Variants in ASTN2 observed in about 807,000 individuals in gnomAD.
ASTN2 encodes the protein astrotactin-2.
A neutral mutation model predicts 139.8 loss-of-function variants in ASTN2; 54 were observed. That is an observed-to-expected ratio of 0.39 (90% confidence interval 0.31 to 0.48). The LOEUF (loss-of-function observed/expected upper bound fraction) is 0.48, where lower values mean the gene tolerates loss of function less well. ASTN2 is among the 20% of genes least tolerant of loss of function. ASTN2 has a pLI of 0.95. For synonymous variants in ASTN2, 756 were observed against 719.5 expected (o/e 1.05, Z -0.81); for missense variants, 1,565 against 1,725.1 (o/e 0.91, Z 1.64).
intron 19 of ASTN2, chr9:116,584,619 T>C (rs532202507): frequency 3.3e-5 from 5 of 152,198 alleles, no homozygotes; most frequent in African/African-American, 1.2e-4. Context: ...AGACTAAACG[T>C]CTAAAATTAG....
Position 117,214,451 on chromosome 9 carries a change from C to T in ASTN2, c.922G>A (p.Val308Ile), listed in dbSNP as rs905397071. 8.7e-6 allele frequency: 14 copies of T among 1,614,066 alleles called. No homozygotes were observed. The highest frequency in any genetic ancestry group is 2.7e-5 in the African/African-American group (2 of 74,936). ...CTGCCAAACTCGTCCTCGCGGGAGA[C>T]ATGGTTGGCCCGCCTAGGTGGCTCC... ...DEEPPRRANH[V>I]SREDEFGSQV... Residue 308 changes from valine (V) to isoleucine (I), a missense_variant, in exon 3 of 23, where the codon GTC becomes ATC. By Grantham distance (29) the Val-to-Ile change is conservative. Coordinates refer to ENST00000313400, the MANE Select transcript of ASTN2 (RefSeq NM_001365068.1).
intron 5 of ASTN2, among the ~76,000 whole-genome samples, chr9:117,053,959 T>C (rs1321368007): frequency 6.6e-6 from 1 of 152,058 alleles, no homozygotes; most frequent in African/African-American, 2.4e-5. Flanking sequence ...CATGTATGCA[T>C]TGTGTTTAAA....
intron 19 of ASTN2, among the ~76,000 whole-genome samples, chr9:116,527,563 A>G (rs1851147942): frequency 1.3e-5 from 2 of 152,170 alleles, no homozygotes; most frequent in South Asian, 4.1e-4. Flanking sequence ...CTTGTACACT[A>G]TTTATGGGGA....
At position 117,214,637 on chromosome 9, in the gene ASTN2, T is replaced by C; in HGVS notation, c.736A>G (p.Thr246Ala). The C allele has an allele frequency of 6.3e-7, 1 of 1,579,180 alleles. No individual in the cohort carries two copies. The highest frequency in any genetic ancestry group is 8.7e-7 in the Non-Finnish European group (1 of 1,155,194). ...RRRIPQKSASTEATHEIHYIP... is the reference protein window; with the variant it reads ...RRRIPQKSASAEATHEIHYIP... The stretch of plus-strand genomic sequence containing the variant: ...TAGTGGATCTCATGAGTGGCTTCTG[T>C]GCTTGCGCTCTTCTGGGGGATGCGG... Residue 246 changes from threonine to alanine, a missense_variant, in exon 3 of 23, where the codon ACA (threonine) becomes GCA (alanine). Around this residue, in one of 4 missense-constraint regions of ASTN2, gnomAD observed 596 missense variants for 576.8 expected, o/e 1.03. Transcript: ENST00000313400.
chr9:117,025,565 TGTGG>T (rs1363761296), intron 6 of ASTN2, among the ~76,000 whole-genome samples: 4 of 152,132 alleles, frequency 2.6e-5, no homozygotes, highest in Non-Finnish European at 4.4e-5. Flanking sequence ...TTAACACTCA[TGTGG>T]GTGCCACAGA....
At chr9:116,676,313 G>A (rs182614126) in intron 16 of ASTN2, among the ~76,000 whole-genome samples, 3 of 152,292 alleles carry the variant, frequency 2.0e-5, no homozygotes, top group East Asian at 3.9e-4. Flanking sequence ...AAGGATTTGT[G>A]AGACTAGTCT....
intron 20 of ASTN2, among the ~76,000 whole-genome samples, chr9:116,459,316 A>C (rs1848418275): frequency 6.6e-6 from 1 of 152,056 alleles, no homozygotes; most frequent in Admixed American, 6.6e-5. Context: ...TGTAAGAAGA[A>C]GACATAAGAG....
At chr9:117,306,248 G>A (rs368279831) in intron 1 of ASTN2, among the ~76,000 whole-genome samples, 40 of 152,252 alleles carry the variant, frequency 2.6e-4, no homozygotes, top group African/African-American at 2.6e-4. Flanking sequence ...TCCAGAGAGC[G>A]TTTCCTGCAC....
intron 3 of ASTN2, among the ~76,000 whole-genome samples, chr9:117,169,843 G>A (rs1830750690): frequency 6.6e-6 from 1 of 152,118 alleles, no homozygotes; most frequent in Non-Finnish European, 1.5e-5. Context: ...AAAGCAAGGA[G>A]GAGATATGTA....
intron 10 of ASTN2, among the ~76,000 whole-genome samples, chr9:116,967,606 G>T (rs144736372): frequency 2.0e-5 from 3 of 152,144 alleles, no homozygotes; most frequent in Non-Finnish European, 4.4e-5. Context: ...CACATAACAC[G>T]CATGCACTCA....
chr9:117,246,840 C>A (rs1490740655), intron 2 of ASTN2, among the ~76,000 whole-genome samples: 3 of 152,078 alleles, frequency 2.0e-5, no homozygotes, highest in African/African-American at 7.2e-5. Context: ...AGCAGGTGAA[C>A]CAGTAATCAC....
chr9:117,377,644 T>C (rs1380201694), intron 1 of ASTN2, among the ~76,000 whole-genome samples: 1 of 151,134 alleles, frequency 6.6e-6, no homozygotes, highest in Non-Finnish European at 1.5e-5. Flanking sequence ...CAAGAAGCTA[T>C]ATATAAATAT....
At chr9:116,524,380 G>C (rs1222069314) in intron 19 of ASTN2, among the ~76,000 whole-genome samples, 1 of 151,976 alleles carries the variant, frequency 6.6e-6, no homozygotes, top group Non-Finnish European at 1.5e-5. Flanking sequence ...ACCAACATAG[G>C]TGAAAATGTT....
rs779240985 is a variant in ASTN2 at position 116,799,873 on chromosome 9, G to A, written c.2396+5759C>T. Among the ~76,000 whole-genome samples, 8 of 152,188 alleles carry A rather than the reference G, an allele frequency of 5.3e-5. No homozygotes were observed. The South Asian group carries it at 1.0e-3, about 20-fold the overall frequency. ...ATCACTGAGACCAACACTTAGCACC[G>A]GAAGGGATAAGAAACAACAAAGCTT... On this transcript the variant is annotated intron_variant, in intron 13 of 22. Transcript: ENST00000313400.
At chr9:116,513,695 G>A (rs929825628) in intron 19 of ASTN2, among the ~76,000 whole-genome samples, 5 of 152,098 alleles carry the variant, frequency 3.3e-5, no homozygotes, top group Non-Finnish European at 5.9e-5. Context: ...GGCTTTGTTT[G>A]TTTCTTTTTA....
intron 4 of ASTN2, among the ~76,000 whole-genome samples, chr9:117,097,142 AG>A (rs1449830262): frequency 6.6e-6 from 1 of 152,154 alleles, no homozygotes; most frequent in African/African-American, 2.4e-5. Flanking sequence ...AGGTGAATGG[AG>A]GTCAGGGCTT....
At chr9:116,992,589 T>C (rs1368440446) in intron 7 of ASTN2, among the ~76,000 whole-genome samples, 2 of 152,176 alleles carry the variant, frequency 1.3e-5, no homozygotes, top group African/African-American at 2.4e-5. Flanking sequence ...CAAAGCTCTA[T>C]TCACCCTCTC....
In ASTN2 at chr9:116,958,446, G is replaced by A. The variant is rs941855065; in HGVS notation, c.1889+16762C>T. 9.2e-5 allele frequency among the ~76,000 whole-genome samples: 14 copies of A among 152,172 alleles called. No individual in the cohort carries two copies. In the East Asian group the frequency reaches 1.4e-3, roughly 15 times the overall value. On this transcript the variant is annotated intron_variant, in intron 10 of 22. Transcript: ENST00000313400. ...TCTACTAAAAATAGAAAAATTAGCC[G>A]GGCGTGGCGGCGGGTGCCTGTAGTC... is the stretch of plus-strand genomic sequence containing the variant.
At chr9:116,627,729 A>G (rs1856535456) in intron 17 of ASTN2, among the ~76,000 whole-genome samples, 1 of 152,228 alleles carries the variant, frequency 6.6e-6, no homozygotes, top group East Asian at 1.9e-4. Context: ...CCTGAAGCCC[A>G]TGCTGTCAGC....
Sources: allele counts gnomAD v4.1 joint callset (sites outside exome capture counted in the v4.1 genomes callset), GRCh38; gene constraint gnomAD v4.1.1; regional missense constraint gnomAD v4.1.1; transcripts MANE v1.5; gene names NCBI Gene and HGNC (gene_info 2026-07-23, HGNC 2026-07-21).